PPP3CB: variants seen among roughly 807,000 people sequenced by gnomAD.
PPP3CB encodes the protein serine/threonine-protein phosphatase 2B catalytic subunit beta isoform.
In PPP3CB, 8 loss-of-function variants were observed where a neutral mutation model predicts 66.4. That is an observed-to-expected ratio of 0.12 (90% CI 0.07 to 0.22). The LOEUF (loss-of-function observed/expected upper bound fraction) is 0.22. Ranked by LOEUF, PPP3CB falls within the 10% of genes least tolerant of loss-of-function variation. The probability of loss-of-function intolerance (pLI) is 1.00; values close to 1 mark genes in which losing one functional copy is unlikely to be tolerated. For synonymous variants in PPP3CB, 208 were observed against 221.2 expected (o/e 0.94, Z 0.53); for missense variants, 319 against 642.5 (o/e 0.50, Z 5.44).
chr10:73,438,398 T>G lies in PPP3CB; in HGVS notation c.1419A>C (p.Pro473=), dbSNP rs2056098806. The G allele has an allele frequency of 1.2e-6, 2 of 1,611,946 alleles. No individual in the cohort carries two copies. The highest frequency in any genetic ancestry group is 1.7e-6 in the Non-Finnish European group (2 of 1,178,182). Residue 473 remains proline (P), a synonymous_variant, in exon 14 of 14, where the codon CCA becomes CCC. Transcript: ENST00000360663. ...AEKAIRGFSP[P]HRICSFEEAK... is the part of the protein sequence containing the mutation. ...CCTCTTCAAAACTGCAGATTCTATG[T>G]GGTGGAGAGAATCCTCGTATTGCTT...
intron 10 of PPP3CB, among the ~76,000 whole-genome samples, chr10:73,447,893 CAA>C (rs781343549): frequency 1.6e-5 from 2 of 128,498 alleles, no homozygotes. Context: ...TTTAAAATAC[CAA>C]AAAAAAAAAC....
intron 9 of PPP3CB, among the ~76,000 whole-genome samples, chr10:73,461,788 T>C (rs950447377): frequency 6.6e-6 from 1 of 152,126 alleles, no homozygotes; most frequent in Non-Finnish European, 1.5e-5. Context: ...CAGAATGATA[T>C]AGTTTGGATG....
chr10:73,439,722 G>A, intron 13 of PPP3CB, 150 bp downstream of exon 13: 1 of 784,572 alleles, frequency 1.3e-6, no homozygotes, highest in Non-Finnish European at 2.0e-6. Flanking sequence ...ATTAAAAAAA[G>A]AGGGCTGCAA....
intron 1 of PPP3CB, among the ~76,000 whole-genome samples, chr10:73,490,158 C>T (rs1318787990): frequency 6.6e-6 from 1 of 152,048 alleles, no homozygotes; most frequent in African/African-American, 2.4e-5. Flanking sequence ...ATAAATGGTC[C>T]CAATCCTCTA....
At chr10:73,461,523 T>C (rs2056521270) in intron 9 of PPP3CB, among the ~76,000 whole-genome samples, 1 of 152,206 alleles carries the variant, frequency 6.6e-6, no homozygotes, top group African/African-American at 2.4e-5. Context: ...CCTTTTCTTT[T>C]AGCAGATTTC....
At chr10:73,481,995 T>C (rs1178096728) in intron 1 of PPP3CB, among the ~76,000 whole-genome samples, 1 of 152,104 alleles carries the variant, frequency 6.6e-6, no homozygotes, top group African/African-American at 2.4e-5. Flanking sequence ...AATCAAAGAT[T>C]AAACAAACCA....
chr10:73,443,635 A>G (rs2056199349), intron 12 of PPP3CB: 1 of 152,176 alleles, frequency 6.6e-6, no homozygotes, highest in African/African-American at 2.4e-5. Flanking sequence ...AGAAATCTAG[A>G]CTGAATTACT....
intron 12 of PPP3CB, among the ~76,000 whole-genome samples, chr10:73,443,255 AGAGAGAGAGAG>A (rs1253556024): frequency 3.0e-4 from 41 of 137,578 alleles, no homozygotes; most frequent in African/African-American, 9.9e-4. Flanking sequence ...AGAGAAAGAG[AGAGAGAGAGAG>A]AGAAAGAAAG....
At chr10:73,495,303 A>G (rs2057173284) in intron 1 of PPP3CB, among the ~76,000 whole-genome samples, 1 of 152,052 alleles carries the variant, frequency 6.6e-6, no homozygotes. Context: ...CCAAAAGTGA[A>G]CCCCTGCGGT....
chr10:73,446,914 A>G (rs1330213449), intron 10 of PPP3CB, among the ~76,000 whole-genome samples: 1 of 152,270 alleles, frequency 6.6e-6, no homozygotes, highest in African/African-American at 2.4e-5. Context: ...GCAAAAACTG[A>G]TAATAATCCT....
chr10:73,444,609 G>C lies in PPP3CB; in HGVS notation c.1366+116C>G, dbSNP rs1211036632. 2.6e-6 allele frequency: 4 copies of C among 1,556,022 alleles called. No homozygotes were observed. The African/African-American group carries it at 4.1e-5, about 16-fold the overall frequency. On this transcript the variant is annotated intron_variant, in intron 12 of 13. Transcript: ENST00000360663. ...CAGTACCCTGTCTAGGTCAGCTGCT[G>C]AGACAGGAACTAAAAAACAGAAGGA...
chr10:73,441,066 C>G (rs1409777372), intron 12 of PPP3CB, among the ~76,000 whole-genome samples: 1 of 152,134 alleles, frequency 6.6e-6, no homozygotes. Flanking sequence ...TTTGCTTCTT[C>G]TGCAATAAGG....
intron 1 of PPP3CB, 166 bp downstream of exon 1, chr10:73,495,639 A>C: frequency 9.5e-7 from 1 of 1,057,406 alleles, no homozygotes; most frequent in Non-Finnish European, 1.2e-6. Context: ...ACTGCCACCG[A>C]CTCAGCCCTG....
At chr10:73,462,362 G>T (rs2056537010) in intron 9 of PPP3CB, among the ~76,000 whole-genome samples, 1 of 151,476 alleles carries the variant, frequency 6.6e-6, no homozygotes, top group Non-Finnish European at 1.5e-5. Context: ...AGGAAAATTT[G>T]GACTCTATCC....
rs190835677 is a variant in PPP3CB at position 73,478,831 on chromosome 10, C to T, written c.287-208G>A. On this transcript the variant is annotated intron_variant, in intron 2 of 13. Coordinates refer to ENST00000360663, the MANE Select transcript of PPP3CB (RefSeq NM_021132.4). ...CTAGAAAAAGATGTAACAGAAATAA[C>T]GAAATTTGTGGTCAGTGACAAACTG... is the stretch of plus-strand genomic sequence containing the variant. Among the ~76,000 whole-genome samples the T allele has an allele frequency of 1.7e-3, 260 of 152,244 alleles. 1 individual carries two copies. The highest frequency in any genetic ancestry group is 5.9e-3 in the African/African-American group (245 of 41,558).
At chr10:73,463,801 A>T (rs2132886546) in intron 9 of PPP3CB, among the ~76,000 whole-genome samples, 1 of 146,250 alleles carries the variant, frequency 6.8e-6, no homozygotes, top group East Asian at 2.1e-4. Flanking sequence ...CGCCACCTGT[A>T]ATTTTTTGTA....
chr10:73,475,128 C>A, intron 3 of PPP3CB, 98 bp from the exon 4 acceptor site: 2 of 1,389,800 alleles, frequency 1.4e-6, no homozygotes, highest in Non-Finnish European at 1.9e-6. Context: ...TTACCATCCT[C>A]TATTATCTTT....
intron 9 of PPP3CB, among the ~76,000 whole-genome samples, chr10:73,455,781 A>T (rs2056416720): frequency 6.6e-6 from 1 of 152,206 alleles, no homozygotes; most frequent in Non-Finnish European, 1.5e-5. Context: ...CGTGTTAGCC[A>T]GGATGGTCTC....
intron 3 of PPP3CB, among the ~76,000 whole-genome samples, chr10:73,477,862 A>G (rs569682520): frequency 1.3e-5 from 2 of 152,250 alleles, no homozygotes; most frequent in South Asian, 4.2e-4. Context: ...GGCTACATTG[A>G]GCCATGCTGG....
Sources: gnomAD v4.1 joint callset for allele counts (sites outside exome capture counted in the v4.1 genomes callset) on GRCh38, gnomAD v4.1.1 for gene constraint, MANE v1.5 for transcripts, NCBI Gene and HGNC (gene_info 2026-07-23, HGNC 2026-07-21) for gene names.